Variants in SLC28A3 observed in about 807,000 individuals in gnomAD.
SLC28A3 encodes the protein concentrative Na(+)-nucleoside cotransporter 3.
SLC28A3 carries 68 observed loss-of-function variants against 84.2 expected under a neutral mutation model. The observed-to-expected ratio is 0.81, with a 90% CI of 0.66 to 0.99. SLC28A3 has a LOEUF of 0.99. Ranked by LOEUF, SLC28A3 falls within the 50% of genes least tolerant of loss-of-function variation. The pLI is 0.00. For missense variants in SLC28A3, 712 were observed against 841.5 expected, an observed-to-expected ratio of 0.85 and a Z score of 1.90; for synonymous variants, 267 against 303.6, an observed-to-expected ratio of 0.88 and a Z score of 1.25.
chr9:84,310,532 A>G (rs1156533421), intron 2 of SLC28A3: 2 of 985,350 alleles, frequency 2.0e-6, no homozygotes, highest in East Asian at 1.1e-4. Flanking sequence ...TCTAAGAAGT[A>G]TAATGTCAAA....
At chr9:84,278,521 G>C in intron 17 of SLC28A3, 177 bp from the exon 18 acceptor site, 1 of 714,618 alleles carries the variant, frequency 1.4e-6, no homozygotes, top group Non-Finnish European at 2.2e-6. Context: ...CCTAAATTCT[G>C]GGTGTCCTCA....
intron 13 of SLC28A3, 34 bp downstream of exon 13, chr9:84,285,909 C>CA: frequency 6.3e-7 from 1 of 1,590,322 alleles, no homozygotes; most frequent in Non-Finnish European, 8.6e-7. Context: ...TAGGCAGAAA[C>CA]AAAACAGAGG....
At chr9:84,362,295 C>T in the SLC28A3 span, among the ~76,000 whole-genome samples, 39 of 152,210 alleles carry the variant, frequency 2.6e-4, no homozygotes, top group South Asian at 7.9e-3. Flanking sequence ...AGTGGAGATG[C>T]CAAGGAGGCT....
rs372172605 is a variant in SLC28A3 at position 84,297,871 on chromosome 9, C to T, written c.783+35G>A. The T allele has an allele frequency of 4.5e-6, 7 of 1,549,200 alleles. No individual in the cohort carries two copies. The South Asian group carries it at 7.1e-5, about 16-fold the overall frequency. ...GGATTACCTCCAATGTTAAAAGCAC[C>T]ATAAAAGCAAAGTGTTCTTTTGAAC... On this transcript the variant is annotated intron_variant, in intron 7 of 17. Transcript: ENST00000376238.
intron 6 of SLC28A3, among the ~76,000 whole-genome samples, chr9:84,299,261 G>A (rs1825533000): frequency 6.6e-6 from 1 of 152,166 alleles, no homozygotes. Flanking sequence ...TTTTTTACTG[G>A]TCTGGGGAAA....
chr9:84,279,098 T>G (rs532492866), intron 17 of SLC28A3, among the ~76,000 whole-genome samples, 167 bp downstream of exon 17: 2 of 143,894 alleles, frequency 1.4e-5, no homozygotes, highest in East Asian at 4.1e-4. Flanking sequence ...CATAAAGTTA[T>G]AAAATTAAGT....
chr9:84,309,260 T>A (rs1322235343), intron 3 of SLC28A3, among the ~76,000 whole-genome samples: 1 of 151,964 alleles, frequency 6.6e-6, no homozygotes, highest in Non-Finnish European at 1.5e-5. Flanking sequence ...CCATGGCTCA[T>A]GCTTGTAATC....
intron 14 of SLC28A3, among the ~76,000 whole-genome samples, chr9:84,281,907 C>G (rs919336504): frequency 6.6e-6 from 1 of 152,190 alleles, no homozygotes; most frequent in Non-Finnish European, 1.5e-5. Flanking sequence ...GGGTAGATCA[C>G]TTGAGGTGAG....
At chr9:84,334,773 C>T (rs1826911450) in intron 1 of SLC28A3, among the ~76,000 whole-genome samples, 1 of 151,950 alleles carries the variant, frequency 6.6e-6, no homozygotes, top group South Asian at 2.1e-4. Context: ...AACTCCCGCT[C>T]ATAACACAAA....
chr9:84,299,491 T>C (rs1825541231), intron 6 of SLC28A3, 90 bp downstream of exon 6: 1 of 1,525,072 alleles, frequency 6.6e-7, no homozygotes, highest in Admixed American at 1.8e-5. Flanking sequence ...TACTGAACAA[T>C]AGTTAAATTC....
chr9:84,302,356 A>G lies in SLC28A3; in HGVS notation c.368T>C (p.Leu123Pro), dbSNP rs1825665752. 2 of 1,614,064 alleles carry G rather than the reference A, an allele frequency of 1.2e-6. No individual in the cohort carries two copies. The highest frequency in any genetic ancestry group is 2.7e-5 in the African/African-American group (2 of 75,056). Reference protein sequence around the residue: ...YLVMVISACVLNFHRALPLFV... With the variant: ...YLVMVISACVPNFHRALPLFV... ...AAGAGGAAGGGCTCTGTGAAAGTTC[A>G]GCACACAGGCCGAAATCACCATAAC... Residue 123 changes from leucine to proline, a missense_variant, in exon 5 of 18, where the codon CTG (leucine) becomes CCG (proline). Leu to Pro is a moderately conservative substitution (Grantham distance 98, BLOSUM62 -3). Transcript: ENST00000376238.
intron 1 of SLC28A3, 92 bp downstream of exon 1, chr9:84,340,482 C>A: frequency 7.5e-7 from 1 of 1,329,000 alleles, no homozygotes; most frequent in South Asian, 1.2e-5. Flanking sequence ...TCCTGATAAT[C>A]TCCCTGCTTA....
At chr9:84,330,601 C>T (rs1826745681) in intron 1 of SLC28A3, among the ~76,000 whole-genome samples, 1 of 152,082 alleles carries the variant, frequency 6.6e-6, no homozygotes, top group Admixed American at 6.6e-5. Flanking sequence ...GAAAAACAGG[C>T]ATGTTTAGAA....
At chr9:84,361,067 C>T in the SLC28A3 span, among the ~76,000 whole-genome samples, 43 of 151,196 alleles carry the variant, frequency 2.8e-4, no homozygotes, top group Admixed American at 2.6e-4. Flanking sequence ...ACATGCAGGC[C>T]GGGTGCGGTG....
chr9:84,311,308 T>G (rs1825979744), intron 2 of SLC28A3, among the ~76,000 whole-genome samples: 1 of 152,156 alleles, frequency 6.6e-6, no homozygotes, highest in Non-Finnish European at 1.5e-5. Context: ...CAGTTTTAAG[T>G]TCACAGCAAA....
chr9:84,322,838 G>GA (rs1323918620), intron 1 of SLC28A3, among the ~76,000 whole-genome samples: 2 of 150,594 alleles, frequency 1.3e-5, no homozygotes, highest in East Asian at 1.9e-4. Context: ...AAAGAAAAAA[G>GA]AAAAAAAAGA....
rs146332452 is a variant in SLC28A3, at chr9:84,279,979, G to A, written c.1824C>T (p.Ile608=). 26 of 1,613,654 alleles carry A rather than the reference G, an allele frequency of 1.6e-5. No individual in the cohort carries two copies. The East Asian group carries it at 1.8e-4, about 11-fold the overall frequency. The change falls in exon 16 of 18, where the codon ATC becomes ATT. Residue 608 remains isoleucine, a synonymous_variant. Transcript: ENST00000376238. ...GTVACFMTAC[I]AGILSSTPVD... is the part of the protein sequence containing the mutation. The stretch of plus-strand genomic sequence containing the variant: ...ACAAAGGACAGGGTGCGGTACCTGC[G>A]ATGCAGGCTGTCATGAAGCAGGCCA...
chr9:84,280,176 T>G (rs534320931), intron 15 of SLC28A3, 103 bp from the exon 16 acceptor site: 2 of 822,200 alleles, frequency 2.4e-6, no homozygotes. Context: ...TCAGCTGACT[T>G]TTTTTTTTTT....
intron 1 of SLC28A3, among the ~76,000 whole-genome samples, chr9:84,339,665 G>T (rs562820858): frequency 6.6e-6 from 1 of 152,308 alleles, no homozygotes; most frequent in Non-Finnish European, 1.5e-5. Flanking sequence ...AGATGAAGTT[G>T]TTTCCTCTCC....
Sources: allele counts gnomAD v4.1 joint callset (sites outside exome capture counted in the v4.1 genomes callset), GRCh38; gene constraint gnomAD v4.1.1; transcripts MANE v1.5; gene names NCBI Gene and HGNC (gene_info 2026-07-23, HGNC 2026-07-21).